FBXW7: variants seen among roughly 807,000 people sequenced by gnomAD.
The protein encoded by FBXW7 is F-box and WD repeat domain containing 7, also known as F-box/WD repeat-containing protein 7.
FBXW7 carries 11 observed loss-of-function variants against 86.3 expected under a neutral mutation model. The observed-to-expected ratio is 0.13, with a 90% CI of 0.08 to 0.21. The LOEUF is 0.21. Among genes scored for constraint, FBXW7 ranks in the 10% least tolerant of loss-of-function variants. The pLI is 1.00. For synonymous variants in FBXW7, 313 were observed against 297.9 expected, an observed-to-expected ratio of 1.05 and a Z score of -0.52; for missense variants, 488 against 847.4, an observed-to-expected ratio of 0.58 and a Z score of 5.27.
At chr4:152,463,289 T>A (rs1405339230) in intron 2 of FBXW7, among the ~76,000 whole-genome samples, 2 of 150,352 alleles carry the variant, frequency 1.3e-5, no homozygotes, top group Admixed American at 6.6e-5. Context: ...ACTTTCTGTC[T>A]CAAAAAAAAA....
rs938790732 is a variant in FBXW7, at chr4:152,445,064, G to A, written c.-119-32535C>T. On this transcript the variant is annotated intron_variant, in intron 2 of 13. Coordinates refer to ENST00000281708, the MANE Select transcript of FBXW7 (RefSeq NM_001349798.2). ...TGGTCTCAAACTTCTCGACTCAAGC[G>A]ACCCATCTGCCTCTACCTCCCAAAG... Among the ~76,000 whole-genome samples, 9 of 152,196 alleles carry A rather than the reference G, an allele frequency of 5.9e-5. No individual in the cohort carries two copies. In the East Asian group the frequency reaches 9.7e-4, roughly 16 times the overall value.
At chr4:152,351,899 GATTTT>G (rs1444006411) in intron 4 of FBXW7, among the ~76,000 whole-genome samples, 2 of 151,866 alleles carry the variant, frequency 1.3e-5, no homozygotes, top group Non-Finnish European at 2.9e-5. Flanking sequence ...ACTGAGAAAG[GATTTT>G]ATTTTAAAAA....
At chr4:152,425,482 C>T (rs1008146200) in intron 2 of FBXW7, among the ~76,000 whole-genome samples, 4 of 152,088 alleles carry the variant, frequency 2.6e-5, no homozygotes, top group Non-Finnish European at 4.4e-5. Context: ...TCCAACATCT[C>T]CCTGGAAGGA....
intron 6 of FBXW7, among the ~76,000 whole-genome samples, chr4:152,345,618 C>T (rs1230517651): frequency 1.3e-5 from 2 of 151,986 alleles, no homozygotes; most frequent in African/African-American, 4.8e-5. Flanking sequence ...CGGGGAAAAA[C>T]TAATCCCTGT....
At chr4:152,371,971 T>A (rs926812853) in intron 4 of FBXW7, among the ~76,000 whole-genome samples, 8 of 152,038 alleles carry the variant, frequency 5.3e-5, no homozygotes, top group East Asian at 1.9e-4. Context: ...ACAGAGAGTA[T>A]GCATACTATA....
chr4:152,474,182 A>C (rs1744197780), intron 2 of FBXW7, among the ~76,000 whole-genome samples: 1 of 152,244 alleles, frequency 6.6e-6, no homozygotes, highest in African/African-American at 2.4e-5. Context: ...TAAAGATCTC[A>C]GAGAAGACTG....
intron 4 of FBXW7, among the ~76,000 whole-genome samples, chr4:152,381,599 T>G (rs1735077965): frequency 6.6e-6 from 1 of 152,088 alleles, no homozygotes; most frequent in South Asian, 2.1e-4. Flanking sequence ...ATCCAATAGA[T>G]CATACAAGTT....
intron 3 of FBXW7, among the ~76,000 whole-genome samples, chr4:152,412,227 C>T (rs1177561347): frequency 6.6e-6 from 1 of 151,932 alleles, no homozygotes; most frequent in Non-Finnish European, 1.5e-5. Context: ...TATAAAACTT[C>T]CACAAAATTT....
intron 2 of FBXW7, among the ~76,000 whole-genome samples, chr4:152,522,132 T>A (rs143034787): frequency 2.0e-5 from 3 of 152,154 alleles, no homozygotes; most frequent in Non-Finnish European, 4.4e-5. Context: ...TTTCCCCCAA[T>A]AGATCATTCC....
At chr4:152,506,365 T>C (rs1221552024) in intron 2 of FBXW7, among the ~76,000 whole-genome samples, 1 of 152,104 alleles carries the variant, frequency 6.6e-6, no homozygotes, top group African/African-American at 2.4e-5. Flanking sequence ...TCTCCTGACC[T>C]TGTGATCTGC....
rs548618866 is a variant in FBXW7, at chr4:152,356,115, C to T, written c.502-5991G>A. On this transcript the variant is annotated intron_variant, in intron 4 of 13. Coordinates refer to ENST00000281708, the MANE Select transcript of FBXW7 (RefSeq NM_001349798.2). ...CTTGACTCTCAAGAGTTCATTATTT[C>T]CGTCTTATATATAGTTCTATTACTG... Among the ~76,000 whole-genome samples the T allele has an allele frequency of 3.9e-5, 6 of 152,174 alleles. 1 individual carries two copies. The South Asian group carries it at 1.2e-3, about 32-fold the overall frequency.
At chr4:152,445,112 C>T (rs1489685169) in intron 2 of FBXW7, among the ~76,000 whole-genome samples, 2 of 152,220 alleles carry the variant, frequency 1.3e-5, no homozygotes, top group African/African-American at 4.8e-5. Flanking sequence ...CAATGTGAGC[C>T]ACCGTGCCCA....
chr4:152,498,448 C>T (rs1219330042), intron 2 of FBXW7, among the ~76,000 whole-genome samples: 1 of 152,214 alleles, frequency 6.6e-6, no homozygotes, highest in African/African-American at 2.4e-5. Flanking sequence ...TTTATTATCT[C>T]AGCTCATTCA....
intron 2 of FBXW7, among the ~76,000 whole-genome samples, chr4:152,469,689 C>T (rs577261460): frequency 2.0e-5 from 3 of 152,196 alleles, no homozygotes; most frequent in Middle Eastern, 3.4e-3. Flanking sequence ...TTCCTGCTCA[C>T]TAAAACCATT....
intron 2 of FBXW7, among the ~76,000 whole-genome samples, chr4:152,511,483 G>A (rs1415465415): frequency 6.6e-6 from 1 of 151,650 alleles, no homozygotes; most frequent in Admixed American, 6.6e-5. Flanking sequence ...TCAAATTTCA[G>A]GTGGATATAT....
At chr4:152,507,469 A>G (rs1373193757) in intron 2 of FBXW7, among the ~76,000 whole-genome samples, 1 of 152,244 alleles carries the variant, frequency 6.6e-6, no homozygotes, top group East Asian at 1.9e-4. Context: ...CTCCAGGATT[A>G]ATCAGTGCAA....
intron 2 of FBXW7, among the ~76,000 whole-genome samples, chr4:152,459,423 C>G (rs2149627574): frequency 6.6e-6 from 1 of 152,316 alleles, no homozygotes; most frequent in Non-Finnish European, 1.5e-5. Flanking sequence ...TCAGCTACAA[C>G]AGTAGCCATA....
intron 2 of FBXW7, among the ~76,000 whole-genome samples, chr4:152,519,811 C>T (rs893528252): frequency 6.6e-6 from 1 of 152,158 alleles, no homozygotes; most frequent in African/African-American, 2.4e-5. Flanking sequence ...TAAGAGACAG[C>T]ATGCATGATT....
At chr4:152,511,581 C>T (rs1747982010) in intron 2 of FBXW7, among the ~76,000 whole-genome samples, 1 of 152,030 alleles carries the variant, frequency 6.6e-6, no homozygotes, top group African/African-American at 2.4e-5. Flanking sequence ...AACTTATTCA[C>T]TGTAGTATTA....
Sources: allele counts gnomAD v4.1 joint callset (sites outside exome capture counted in the v4.1 genomes callset), GRCh38; gene constraint gnomAD v4.1.1; transcripts MANE v1.5; gene names NCBI Gene and HGNC (gene_info 2026-07-23, HGNC 2026-07-21).